TRAF3: variants seen among roughly 807,000 people sequenced by gnomAD.
TRAF3 encodes TNF receptor associated factor 3.
In TRAF3, 13 loss-of-function variants were observed where a neutral mutation model predicts 62.3. That is an observed-to-expected ratio of 0.21 (90% CI 0.14 to 0.33). The LOEUF (loss-of-function observed/expected upper bound fraction) is 0.33, where lower values mean the gene tolerates loss of function less well. TRAF3 is among the 10% of genes least tolerant of loss of function. The pLI is 1.00. For synonymous variants in TRAF3, 269 were observed against 283.4 expected (o/e 0.95, Z 0.51); for missense variants, 440 against 741.8 (o/e 0.59, Z 4.73).
intron 1 of TRAF3, among the ~76,000 whole-genome samples, chr14:102,782,774 T>A (rs1208039476): frequency 6.6e-6 from 1 of 152,016 alleles, no homozygotes; most frequent in Non-Finnish European, 1.5e-5. Context: ...AAGAAAGATA[T>A]GGCGACCTGC....
At chr14:102,898,826 T>A (rs1047505932) in intron 10 of TRAF3, among the ~76,000 whole-genome samples, 1 of 152,226 alleles carries the variant, frequency 6.6e-6, no homozygotes, top group South Asian at 2.1e-4. Context: ...GATTTCTACT[T>A]GAAAACTTTT....
chr14:102,855,794 TAAAA>T (rs59248096), intron 2 of TRAF3, among the ~76,000 whole-genome samples: 2 of 132,150 alleles, frequency 1.5e-5, no homozygotes, highest in African/African-American at 2.7e-5. Flanking sequence ...AGACTTTATC[TAAAA>T]AAAAAAAAAA....
At chr14:102,840,122 A>G (rs559864981) in intron 2 of TRAF3, among the ~76,000 whole-genome samples, 1 of 152,312 alleles carries the variant, frequency 6.6e-6, no homozygotes, top group African/African-American at 2.4e-5. Context: ...GCAGAATTTA[A>G]AGGGACACCC....
At chr14:102,837,607 ACT>A (rs1395712790) in intron 2 of TRAF3, among the ~76,000 whole-genome samples, 1 of 152,066 alleles carries the variant, frequency 6.6e-6, no homozygotes, top group Non-Finnish European at 1.5e-5. Context: ...GAGTAAACAA[ACT>A]CTGGCTGTGT....
intron 6 of TRAF3, among the ~76,000 whole-genome samples, chr14:102,880,091 G>C (rs1292647350): frequency 6.6e-6 from 1 of 152,180 alleles, no homozygotes; most frequent in African/African-American, 2.4e-5. Flanking sequence ...CACTCAGCCT[G>C]GGTGACAGAG....
chr14:102,835,824 T>A (rs930967456), intron 2 of TRAF3, among the ~76,000 whole-genome samples: 5 of 152,168 alleles, frequency 3.3e-5, no homozygotes, highest in Admixed American at 3.3e-4. Context: ...GTACCTGGGT[T>A]ACAAAGTAAT....
intron 1 of TRAF3, among the ~76,000 whole-genome samples, chr14:102,824,924 G>A (rs1013857593): frequency 6.6e-6 from 1 of 152,210 alleles, no homozygotes; most frequent in African/African-American, 2.4e-5. Flanking sequence ...TACACACCAG[G>A]TGACTCATGT....
chr14:102,789,773 G>A (rs897406038), intron 1 of TRAF3, among the ~76,000 whole-genome samples: 1 of 151,370 alleles, frequency 6.6e-6, no homozygotes, highest in Admixed American at 6.6e-5. Flanking sequence ...TTGGAGGGAA[G>A]ACAATGTTTG....
Position 102,903,594 on chromosome 14 carries a change from C to G in TRAF3, c.1135+165C>G. 4 of 1,049,946 alleles carry G rather than the reference C, an allele frequency of 3.8e-6. No individual in the cohort carries two copies. The highest frequency in any genetic ancestry group is 5.7e-6 in the Non-Finnish European group (4 of 703,242). The allele number at this position is 1,049,946 out of a possible 1,614,324, so 65.0% of individuals were successfully genotyped here. On this transcript the variant is annotated intron_variant, in intron 11 of 11. Transcript: ENST00000392745. The surrounding 1 kb of genome is among the most constrained non-coding windows in gnomAD (Gnocchi z 6.4). Reference sequence around the variant, plus strand: ...GTGTGATGACTTTCCTACTGAAAGTCCCCCAGCAAAGACAAACGTTTCCCG... The same window carrying G: ...GTGTGATGACTTTCCTACTGAAAGTGCCCCAGCAAAGACAAACGTTTCCCG...
intron 10 of TRAF3, among the ~76,000 whole-genome samples, chr14:102,897,939 C>T (rs1249616728): frequency 1.3e-5 from 2 of 152,248 alleles, no homozygotes; most frequent in Non-Finnish European, 2.9e-5. Context: ...GATGAAATGT[C>T]GCTTCTCCTG....
intron 6 of TRAF3, among the ~76,000 whole-genome samples, chr14:102,878,531 C>G (rs1253515901): frequency 6.6e-6 from 1 of 152,120 alleles, no homozygotes; most frequent in Non-Finnish European, 1.5e-5. Flanking sequence ...TATTGGGTAC[C>G]TACTGTGCGC....
At chr14:102,821,710 T>C (rs1340167920) in intron 1 of TRAF3, among the ~76,000 whole-genome samples, 1 of 152,244 alleles carries the variant, frequency 6.6e-6, no homozygotes, top group Non-Finnish European at 1.5e-5. Flanking sequence ...CTGTATTGCA[T>C]GCATAAACAT....
intron 1 of TRAF3, among the ~76,000 whole-genome samples, chr14:102,784,129 T>C (rs1050900407): frequency 6.6e-6 from 1 of 151,786 alleles, no homozygotes; most frequent in Non-Finnish European, 1.5e-5. Context: ...AGGCAAATAA[T>C]GACAAAGCAA....
chr14:102,834,723 C>G (rs1422085163), intron 2 of TRAF3, among the ~76,000 whole-genome samples: 1 of 151,164 alleles, frequency 6.6e-6, no homozygotes, highest in Non-Finnish European at 1.5e-5. Context: ...TGGACCCCTT[C>G]CCTACACCAT....
rs138090273 is a variant in TRAF3 at position 102,818,341 on chromosome 14, C to G, written c.-156-11993C>G. ...AATTTTAGTATGATTAACCCTCCCA[C>G]CCCCATTAAAGTTCTTCAGCCTTCT... On this transcript the variant is annotated intron_variant, in intron 1 of 11. Coordinates refer to ENST00000392745, the MANE Select transcript of TRAF3 (RefSeq NM_145725.3). 5.4e-3 allele frequency among the ~76,000 whole-genome samples: 817 copies of G among 152,278 alleles called. 6 individuals are homozygous for G. The highest frequency in any genetic ancestry group is 9.9e-3 in the Admixed American group (151 of 15,298).
At chr14:102,784,215 C>CTTTTT (rs76663820) in intron 1 of TRAF3, among the ~76,000 whole-genome samples, 11 of 117,640 alleles carry the variant, frequency 9.4e-5, no homozygotes, top group Non-Finnish European at 1.8e-4. Context: ...GATGCTTGGC[C>CTTTTT]TTTTTTTTTT....
intron 10 of TRAF3, among the ~76,000 whole-genome samples, chr14:102,900,520 A>G (rs1890240817): frequency 6.6e-6 from 1 of 152,224 alleles, no homozygotes; most frequent in Non-Finnish European, 1.5e-5. Flanking sequence ...AGAAGATAGC[A>G]TAGGTGCGAG....
chr14:102,832,819 G>A (rs1283058993), intron 2 of TRAF3, among the ~76,000 whole-genome samples: 1 of 151,784 alleles, frequency 6.6e-6, no homozygotes, highest in East Asian at 1.9e-4. Context: ...AATTAGAACG[G>A]GTTTTTTTTT....
At chr14:102,876,611 C>T (rs569896245) in intron 6 of TRAF3, 86 bp downstream of exon 6, 35 of 1,528,900 alleles carry the variant, frequency 2.3e-5, no homozygotes, top group Middle Eastern at 2.3e-4. Flanking sequence ...GTAGATAATC[C>T]GTTCCACAGG....
Sources: allele counts gnomAD v4.1 joint callset (sites outside exome capture counted in the v4.1 genomes callset), GRCh38; gene constraint gnomAD v4.1.1; non-coding constraint Gnocchi (gnomAD v3.1); transcripts MANE v1.5; gene names NCBI Gene and HGNC (gene_info 2026-07-23, HGNC 2026-07-21).